Variants in SAMD8 observed in about 807,000 individuals in gnomAD.
SAMD8 encodes sterile alpha motif domain containing 8.
Under a neutral mutation model 42.0 loss-of-function variants are expected in SAMD8, and 20 were observed. The observed-to-expected ratio is 0.48, with a 90% CI of 0.34 to 0.69. SAMD8 has a LOEUF of 0.69. Among genes scored for constraint, SAMD8 ranks in the 30% least tolerant of loss-of-function variants. The pLI, the probability that SAMD8 is intolerant of heterozygous loss-of-function variation, is 0.01. For synonymous variants in SAMD8, 162 were observed against 173.0 expected, an observed-to-expected ratio of 0.94 and a Z score of 0.50; for missense variants, 328 against 511.6, an observed-to-expected ratio of 0.64 and a Z score of 3.46.
intron 2 of SAMD8, among the ~76,000 whole-genome samples, chr10:75,157,228 TGAG>T (rs993963878): frequency 5.3e-5 from 8 of 150,520 alleles, no homozygotes; most frequent in Middle Eastern, 3.4e-3. Flanking sequence ...AAAGAAATGA[TGAG>T]GGGGAGAGAG....
At chr10:75,140,195 C>T (rs1366632746) in intron 1 of SAMD8, among the ~76,000 whole-genome samples, 1 of 152,082 alleles carries the variant, frequency 6.6e-6, no homozygotes, top group Non-Finnish European at 1.5e-5. Context: ...GGCAGAAGTC[C>T]CCGGGTTCAA....
rs1048829866 is a variant in SAMD8, at chr10:75,153,647, G to A, written c.578+2541G>A. Among the ~76,000 whole-genome samples the A allele has an allele frequency of 5.9e-5, 9 of 151,738 alleles. No homozygotes were observed. The East Asian group carries it at 1.3e-3, about 23-fold the overall frequency. ...ATACATAAAGTAAAATAAAACTGCCGTGTAGTATTTGTATTTGAAAATGAA... is the reference window on the plus strand; with the variant it reads ...ATACATAAAGTAAAATAAAACTGCCATGTAGTATTTGTATTTGAAAATGAA... On this transcript the variant is annotated intron_variant, in intron 2 of 5. Coordinates refer to ENST00000542569, the MANE Select transcript of SAMD8 (RefSeq NM_001174156.2).
rs180776516 is a variant in SAMD8 at position 75,120,426 on chromosome 10, T to A, written c.-16+8704T>A. ...CTGGGATTACAGGCGCCTGCCACCA[T>A]GCCCAGCTAATTTTTTGTATTTTTA... On this transcript the variant is annotated intron_variant, in intron 1 of 5. Coordinates refer to ENST00000542569, the MANE Select transcript of SAMD8 (RefSeq NM_001174156.2). Among the ~76,000 whole-genome samples the A allele has an allele frequency of 7.5e-3, 1,137 of 151,758 alleles. 7 individuals are homozygous for A. The highest frequency in any genetic ancestry group is 0.021 in the Middle Eastern group (6 of 290).
chr10:75,170,394 G>A (rs1840821663), intron 4 of SAMD8, among the ~76,000 whole-genome samples: 1 of 152,140 alleles, frequency 6.6e-6, no homozygotes, highest in Non-Finnish European at 1.5e-5. Flanking sequence ...AGGAGATCAA[G>A]AGCTAAAAAT....
Position 75,176,401 on chromosome 10 carries a change from C to T in SAMD8, c.957C>T (p.Ser319=), listed in dbSNP as rs1840992135. 6.5e-7 allele frequency: 1 copy of T among 1,546,890 alleles called. No individual in the cohort carries two copies. The highest frequency in any genetic ancestry group is 2.4e-5 in the East Asian group (1 of 41,362). The change falls in exon 6 of 6, where the codon AGC becomes AGT. Residue 319 remains serine, a synonymous_variant. Transcript: ENST00000542569. The surrounding 1 kb of genome is among the most constrained non-coding windows in gnomAD (Gnocchi z 4.3). ...TCCTTTTCCTAGATACACCAAGAAGCTGGAATTTCTTGCACACTTTATCCT... is the reference window on the plus strand; with the variant it reads ...TCCTTTTCCTAGATACACCAAGAAGTTGGAATTTCTTGCACACTTTATCCT... ...NFFVTEYTPR[S]WNFLHTLSWV... is the part of the protein sequence containing the mutation.
intron 1 of SAMD8, among the ~76,000 whole-genome samples, chr10:75,132,760 A>C (rs1321008063): frequency 1.3e-5 from 2 of 151,932 alleles, no homozygotes; most frequent in African/African-American, 4.8e-5. Context: ...AGGCCAAAGC[A>C]GGAGGATCAC....
chr10:75,118,443 AGACCAGCCTG>A (rs1304250582), intron 1 of SAMD8, among the ~76,000 whole-genome samples: 1 of 152,222 alleles, frequency 6.6e-6, no homozygotes, highest in Admixed American at 6.5e-5. Context: ...TCAGAGTTCG[AGACCAGCCTG>A]GCCAGCATGG....
At chr10:75,140,091 A>G (rs1209577482) in intron 1 of SAMD8, among the ~76,000 whole-genome samples, 2 of 152,224 alleles carry the variant, frequency 1.3e-5, no homozygotes, top group Non-Finnish European at 2.9e-5. Context: ...AGAAAATCAG[A>G]TATCTATATA....
upstream of SAMD8, chr10:75,109,164 G>C (rs745904346): frequency 6.4e-7 from 1 of 1,572,382 alleles, no homozygotes; most frequent in South Asian, 1.1e-5. Flanking sequence ...CCATGGGCCA[G>C]CCCGCCCACC....
At chr10:75,169,942 T>C (rs1429113813) in intron 4 of SAMD8, among the ~76,000 whole-genome samples, 3 of 152,110 alleles carry the variant, frequency 2.0e-5, no homozygotes. Flanking sequence ...AAAAAGAAAG[T>C]TGCAGTTTGA....
intron 1 of SAMD8, among the ~76,000 whole-genome samples, chr10:75,118,061 GACA>G (rs1848925394): frequency 6.6e-6 from 1 of 152,184 alleles, no homozygotes; most frequent in African/African-American, 2.4e-5. Flanking sequence ...TGGTATATAT[GACA>G]ACTTTTTTTG....
In SAMD8 at chr10:75,099,593, G is replaced by A. The variant is rs570414157; in HGVS notation, c.-151G>A. 5.2e-5 allele frequency: 63 copies of A among 1,215,626 alleles called. No individual in the cohort carries two copies. The Middle Eastern group carries it at 9.4e-4, about 18-fold the overall frequency. 75.3% of individuals were successfully genotyped at this position (1,215,626 alleles called of 1,614,324 possible). ...CCATGGGGGGTGGGGCCTGAGAGCC[G>A]ACTGAGGCCTTGTGGACTGCAGTGG... is the stretch of plus-strand genomic sequence containing the variant. On this transcript the variant is annotated 5_prime_UTR_variant, in exon 1 of 4. Coordinates refer to the SAMD8 transcript ENST00000447533.
chr10:75,147,749 A>G (rs1371068618), intron 1 of SAMD8, among the ~76,000 whole-genome samples: 1 of 152,220 alleles, frequency 6.6e-6, no homozygotes, highest in East Asian at 1.9e-4. Context: ...CTTTGGGTAA[A>G]AGAAGATATG....
At position 75,145,400 on chromosome 10, in the gene SAMD8, C is replaced by T. The variant is rs539206960; in HGVS notation, c.-15-5114C>T. ...TAAGTGATACTTTCCTGCTTCTTTG[C>T]ATGCCTGACAATCTTTGAATAGATT... On this transcript the variant is annotated intron_variant, in intron 1 of 5. Transcript: ENST00000542569. Among the ~76,000 whole-genome samples, 7 of 152,298 alleles carry T rather than the reference C, an allele frequency of 4.6e-5. No individual in the cohort carries two copies. In the South Asian group the frequency reaches 1.4e-3, roughly 32 times the overall value.
At chr10:75,160,709 A>G (rs1273841557) in intron 2 of SAMD8, among the ~76,000 whole-genome samples, 1 of 152,164 alleles carries the variant, frequency 6.6e-6, no homozygotes, top group Non-Finnish European at 1.5e-5. Flanking sequence ...GGAAAGTAGA[A>G]CGCTAAGTAC....
rs1841081840 is a variant in SAMD8, at chr10:75,181,543, T to C, written c.*4851T>C. On this transcript the variant is annotated 3_prime_UTR_variant, in exon 6 of 6. Coordinates refer to ENST00000542569, the MANE Select transcript of SAMD8 (RefSeq NM_001174156.2). ...GTAAGCCATATTTCAGCTATTCTGGTTTTTATAATACATTCTACCCTAAAT... is the reference window on the plus strand; with the variant it reads ...GTAAGCCATATTTCAGCTATTCTGGCTTTTATAATACATTCTACCCTAAAT... The C allele has an allele frequency of 6.6e-6, 1 of 152,210 alleles. No homozygotes were observed. The highest frequency in any genetic ancestry group is 1.5e-5 in the Non-Finnish European group (1 of 68,038). 9.4% of individuals were successfully genotyped at this position (152,210 alleles called of 1,614,324 possible).
In SAMD8 at chr10:75,181,070, A is replaced by T. The variant is rs1841073788; in HGVS notation, c.*4378A>T. On this transcript the variant is annotated 3_prime_UTR_variant, in exon 6 of 6. Coordinates refer to ENST00000542569, the MANE Select transcript of SAMD8 (RefSeq NM_001174156.2). ...TTCATACTAAAGGTAATGATAATAT[A>T]GTCATTTGCCAGTACTTTAAGGTAT... 1 of 152,216 alleles carries T rather than the reference A, an allele frequency of 6.6e-6. No homozygotes were observed. Among genetic ancestry groups the T allele is most frequent in the Non-Finnish European group, 1.5e-5 (1 of 68,032 alleles). The allele number at this position is 152,216 out of a possible 1,614,324, so 9.4% of individuals were successfully genotyped here. A position where few individuals can be genotyped will look rare whatever the true frequency, so the allele number is the denominator to read the frequency against.
intron 2 of SAMD8, among the ~76,000 whole-genome samples, chr10:75,163,224 C>T (rs1176036390): frequency 2.6e-5 from 4 of 152,170 alleles, no homozygotes; most frequent in Non-Finnish European, 5.9e-5. Context: ...CGTGCCCAGC[C>T]ATGTTTTCTT....
upstream of SAMD8, chr10:75,108,185 C>T (rs1848633349): frequency 6.2e-7 from 1 of 1,608,422 alleles, no homozygotes; most frequent in African/African-American, 1.3e-5. Flanking sequence ...GCTTCCACAG[C>T]TCAAAGCGGT....
Sources: gnomAD v4.1 joint callset for allele counts (sites outside exome capture counted in the v4.1 genomes callset) on GRCh38, gnomAD v4.1.1 for gene constraint, Gnocchi (gnomAD v3.1) non-coding constraint, MANE v1.5 for transcripts, NCBI Gene and HGNC (gene_info 2026-07-23, HGNC 2026-07-21) for gene names.